Variants in UST observed in about 807,000 individuals in gnomAD.
UST encodes uronyl 2-sulfotransferase.
In UST, 21 loss-of-function variants were observed where a neutral mutation model predicts 45.6. The ratio of observed to expected loss-of-function variants is 0.46; its 90% confidence interval spans 0.33 to 0.66. The LOEUF (loss-of-function observed/expected upper bound fraction) is 0.66, where lower values mean the gene tolerates loss of function less well. Ranked by LOEUF, UST falls within the 30% of genes least tolerant of loss-of-function variation. UST has a pLI of 0.02. For missense variants in UST, 463 were observed against 512.4 expected, an observed-to-expected ratio of 0.90 and a Z score of 0.93; for synonymous variants, 215 against 200.6, an observed-to-expected ratio of 1.07 and a Z score of -0.61.
intron 2 of UST, among the ~76,000 whole-genome samples, chr6:148,914,523 A>C (rs1199370655): frequency 6.6e-6 from 1 of 152,150 alleles, no homozygotes; most frequent in Non-Finnish European, 1.5e-5. Context: ...AGTCTTTTCT[A>C]TGATATGTAG....
intron 1 of UST, among the ~76,000 whole-genome samples, chr6:148,787,857 T>C (rs1474196046): frequency 1.3e-5 from 2 of 152,192 alleles, no homozygotes; most frequent in African/African-American, 4.8e-5. Flanking sequence ...TAAAAAATTG[T>C]AATCAAAGCC....
intron 1 of UST, among the ~76,000 whole-genome samples, chr6:148,855,234 G>C (rs976956145): frequency 2.0e-5 from 3 of 152,188 alleles, no homozygotes; most frequent in African/African-American, 7.2e-5. Flanking sequence ...CAGCCAAACC[G>C]TATCAGGGTC....
At chr6:149,065,062 G>T (rs1438149207) in intron 7 of UST, among the ~76,000 whole-genome samples, 1 of 152,138 alleles carries the variant, frequency 6.6e-6, no homozygotes, top group African/African-American at 2.4e-5. Flanking sequence ...GTTACTCTCA[G>T]TTCCTGCTAG....
intron 2 of UST, among the ~76,000 whole-genome samples, chr6:148,910,943 G>T (rs1294523949): frequency 6.6e-6 from 1 of 152,006 alleles, no homozygotes; most frequent in Non-Finnish European, 1.5e-5. Flanking sequence ...TTCCCAGGGG[G>T]CCTTTGGGGA....
chr6:148,960,352 G>A (rs146707202), intron 4 of UST, among the ~76,000 whole-genome samples: 1 of 152,164 alleles, frequency 6.6e-6, no homozygotes, highest in Non-Finnish European at 1.5e-5. Context: ...CCCCCAAAAG[G>A]TCCTGTTCTT....
intron 1 of UST, among the ~76,000 whole-genome samples, chr6:148,811,113 C>A (rs939425835): frequency 6.6e-6 from 1 of 152,294 alleles, no homozygotes; most frequent in East Asian, 1.9e-4. Context: ...CACTGGCATA[C>A]AAAGGATACA....
intron 2 of UST, among the ~76,000 whole-genome samples, chr6:148,914,192 A>G (rs150127232): frequency 4.6e-5 from 7 of 152,362 alleles, no homozygotes; most frequent in African/African-American, 1.2e-4. Context: ...TAGGAGATAC[A>G]TAAGGTTTGG....
At chr6:148,937,734 AAC>A (rs765566995) in intron 2 of UST, among the ~76,000 whole-genome samples, 82 of 152,184 alleles carry the variant, frequency 5.4e-4, no homozygotes, top group Non-Finnish European at 9.4e-4. Flanking sequence ...ATTCAGATGT[AAC>A]ACATTCTTCC....
At chr6:148,865,471 T>A (rs916057077) in intron 1 of UST, among the ~76,000 whole-genome samples, 1 of 152,170 alleles carries the variant, frequency 6.6e-6, no homozygotes, top group East Asian at 1.9e-4. Context: ...TTTCTTAAAT[T>A]CCTTTTTCTT....
intron 1 of UST, among the ~76,000 whole-genome samples, chr6:148,841,983 G>T (rs1459561577): frequency 6.6e-6 from 1 of 152,136 alleles, no homozygotes; most frequent in Non-Finnish European, 1.5e-5. Context: ...GCACGTGCCT[G>T]TAATCCCAGC....
At chr6:148,867,661 C>G (rs932280145) in intron 1 of UST, among the ~76,000 whole-genome samples, 3 of 152,138 alleles carry the variant, frequency 2.0e-5, no homozygotes, top group African/African-American at 4.8e-5. Flanking sequence ...CTCTCATGCT[C>G]TCATCTGCCA....
chr6:148,905,520 C>G (rs1372786123), intron 2 of UST, among the ~76,000 whole-genome samples: 1 of 152,214 alleles, frequency 6.6e-6, no homozygotes, highest in Non-Finnish European at 1.5e-5. Flanking sequence ...GGGGTGAGAC[C>G]TAGACTCCCC....
intron 3 of UST, among the ~76,000 whole-genome samples, chr6:148,946,534 G>A (rs1432949520): frequency 8.6e-4 from 61 of 71,298 alleles, no homozygotes; most frequent in Admixed American, 4.9e-3. Flanking sequence ...AAAAAAGGCC[G>A]GGTGCGGTGG....
intron 1 of UST, among the ~76,000 whole-genome samples, chr6:148,814,790 TC>T (rs1214313059): frequency 6.6e-6 from 1 of 152,222 alleles, no homozygotes; most frequent in South Asian, 2.1e-4. Flanking sequence ...CAGTGAATTC[TC>T]TTTAACATAT....
intron 3 of UST, among the ~76,000 whole-genome samples, chr6:148,949,776 G>A (rs1324152953): frequency 1.3e-5 from 2 of 152,252 alleles, no homozygotes; most frequent in East Asian, 1.9e-4. Flanking sequence ...GATAAAGCCT[G>A]CCCCCAACCC....
At chr6:148,905,214 C>G (rs993486468) in intron 2 of UST, among the ~76,000 whole-genome samples, 1 of 152,182 alleles carries the variant, frequency 6.6e-6, no homozygotes, top group African/African-American at 2.4e-5. Context: ...TTTTCCAAAC[C>G]TCTGAGTCAT....
intron 2 of UST, among the ~76,000 whole-genome samples, chr6:148,901,574 T>G (rs1413942128): frequency 6.6e-6 from 1 of 150,544 alleles, no homozygotes; most frequent in Non-Finnish European, 1.5e-5. Flanking sequence ...TTTTTTTTTT[T>G]GAGACAGAGT....
chr6:148,759,971 A>G (rs767008491), intron 1 of UST, among the ~76,000 whole-genome samples: 1 of 152,152 alleles, frequency 6.6e-6, no homozygotes, highest in African/African-American at 2.4e-5. Flanking sequence ...CTGTTCTTCA[A>G]ATCATGTGCT....
intron 1 of UST, among the ~76,000 whole-genome samples, chr6:148,855,233 C>T (rs1016035617): frequency 6.6e-6 from 1 of 152,178 alleles, no homozygotes; most frequent in African/African-American, 2.4e-5. Context: ...ACAGCCAAAC[C>T]GTATCAGGGT....
Sources: allele counts gnomAD v4.1 joint callset (sites outside exome capture counted in the v4.1 genomes callset), GRCh38; gene constraint gnomAD v4.1.1; transcripts MANE v1.5; gene names NCBI Gene and HGNC (gene_info 2026-07-23, HGNC 2026-07-21).